The following DACH2 variants were observed in gnomAD, a reference collection of about 807,000 sequenced individuals.
DACH2 encodes dachshund homolog 2.
Under a neutral mutation model 35.8 loss-of-function variants are expected in DACH2, and 17 were observed. The ratio of observed to expected loss-of-function variants is 0.48; its 90% CI spans 0.33 to 0.71. The LOEUF is 0.71. DACH2 is among the 30% of genes least tolerant of loss of function. DACH2 has a pLI of 0.02. For synonymous variants in DACH2, 195 were observed against 177.3 expected (o/e 1.10, Z -0.79); for missense variants, 469 against 472.7 (o/e 0.99, Z 0.07).
chrX:86,362,570 T>C (rs1246853455), intron 1 of DACH2, among the ~76,000 whole-genome samples: 2 of 111,550 alleles, frequency 1.8e-5, no homozygotes, highest in African/African-American at 6.5e-5. Context: ...CACAATTAAC[T>C]TGGGGGAATT....
chrX:86,825,885 T>C (rs2042558356), intron 11 of DACH2, among the ~76,000 whole-genome samples: 1 of 111,998 alleles, frequency 8.9e-6, no homozygotes, highest in Non-Finnish European at 1.9e-5. Context: ...TTACTAACCT[T>C]GAGAAGTCAT....
At chrX:86,240,201 T>C (rs1488247363) in intron 1 of DACH2, among the ~76,000 whole-genome samples, 2 of 111,432 alleles carry the variant, frequency 1.8e-5, no homozygotes, top group African/African-American at 3.3e-5. Context: ...ATCTTTATAG[T>C]AGTTTTGAAA....
At chrX:86,792,091 G>A (rs190745312) in intron 7 of DACH2, among the ~76,000 whole-genome samples, 1 of 111,441 alleles carries the variant, frequency 9.0e-6, no homozygotes, top group African/African-American at 3.2e-5. Context: ...TAAGAGGCAG[G>A]GAGGAATGAT....
At chrX:86,209,777 A>G (rs2032402503) in intron 1 of DACH2, among the ~76,000 whole-genome samples, 1 of 111,428 alleles carries the variant, frequency 9.0e-6, no homozygotes, top group Admixed American at 9.6e-5. Context: ...TTAGGCCATT[A>G]TTTCAAAATC....
At chrX:86,733,909 T>C (rs1209441534) in intron 6 of DACH2, among the ~76,000 whole-genome samples, 1 of 108,726 alleles carries the variant, frequency 9.2e-6, no homozygotes, top group Non-Finnish European at 1.9e-5. Context: ...TTGGGTCTCA[T>C]TCTAAGTGCT....
At chrX:86,180,154 C>T (rs1313568073) in intron 1 of DACH2, among the ~76,000 whole-genome samples, 1 of 71,876 alleles carries the variant, frequency 1.4e-5, no homozygotes, top group African/African-American at 5.0e-5. Context: ...CTATTAATGT[C>T]CCCTAGCAAC....
intron 1 of DACH2, among the ~76,000 whole-genome samples, chrX:86,204,757 A>T (rs1267338272): frequency 8.9e-6 from 1 of 112,066 alleles, no homozygotes; most frequent in East Asian, 2.8e-4. Flanking sequence ...CCTTTTATCC[A>T]TGATCTGATT....
At chrX:86,602,712 T>C (rs1004501245) in intron 3 of DACH2, among the ~76,000 whole-genome samples, 1 of 112,021 alleles carries the variant, frequency 8.9e-6, no homozygotes, top group Non-Finnish European at 1.9e-5. Context: ...TGAGTTTAAC[T>C]ATTTCACATA....
At chrX:86,464,309 G>A (rs180849681) in intron 2 of DACH2, among the ~76,000 whole-genome samples, 73 of 101,882 alleles carry the variant, frequency 7.2e-4, no homozygotes, top group African/African-American at 2.4e-3. Flanking sequence ...AGAAAACATG[G>A]CACATATACA....
intron 3 of DACH2, among the ~76,000 whole-genome samples, chrX:86,578,218 T>G (rs1231843333): frequency 1.8e-5 from 2 of 111,094 alleles, no homozygotes; most frequent in Non-Finnish European, 3.8e-5. Context: ...TCAGCTGGTG[T>G]CACTGCAGAA....
intron 1 of DACH2, among the ~76,000 whole-genome samples, chrX:86,165,247 G>A (rs1344468512): frequency 9.0e-6 from 1 of 111,511 alleles, no homozygotes; most frequent in Non-Finnish European, 1.9e-5. Flanking sequence ...AACTTACGTT[G>A]CTTCCAAATC....
At chrX:86,392,319 TA>T (rs1240558275) in intron 2 of DACH2, among the ~76,000 whole-genome samples, 1 of 111,697 alleles carries the variant, frequency 9.0e-6, no homozygotes, top group East Asian at 2.8e-4. Flanking sequence ...TTCTGTTTTC[TA>T]GGAGTTTATA....
intron 3 of DACH2, among the ~76,000 whole-genome samples, chrX:86,636,000 T>C (rs2040260968): frequency 8.9e-6 from 1 of 112,120 alleles, no homozygotes; most frequent in Admixed American, 9.4e-5. Flanking sequence ...AAACTATCAA[T>C]GACATTCTTC....
At chrX:86,819,340 T>C (rs764522335) in intron 11 of DACH2, among the ~76,000 whole-genome samples, 18 of 110,616 alleles carry the variant, frequency 1.6e-4, no homozygotes, top group Non-Finnish European at 2.8e-4. Flanking sequence ...TATAACTCAG[T>C]TGAGGGCCTG....
intron 1 of DACH2, among the ~76,000 whole-genome samples, chrX:86,173,021 A>C (rs1602253190): frequency 8.9e-6 from 1 of 112,250 alleles, no homozygotes; most frequent in Middle Eastern, 4.6e-3. Context: ...TAAGTATAAA[A>C]CTGGGATCCA....
At chrX:86,194,423 G>A (rs1193684121) in intron 1 of DACH2, among the ~76,000 whole-genome samples, 2 of 111,646 alleles carry the variant, frequency 1.8e-5, no homozygotes, top group Non-Finnish European at 3.8e-5. Flanking sequence ...GAGACAACTG[G>A]CGCACTAACA....
intron 3 of DACH2, among the ~76,000 whole-genome samples, chrX:86,648,868 T>C (rs1036199187): frequency 2.7e-5 from 3 of 111,161 alleles, no homozygotes; most frequent in Non-Finnish European, 3.8e-5. Context: ...CTCTAAACTT[T>C]GAATAAAGTG....
At chrX:86,265,970 T>C (rs1333973337) in intron 1 of DACH2, among the ~76,000 whole-genome samples, 2 of 111,848 alleles carry the variant, frequency 1.8e-5, no homozygotes, top group Admixed American at 1.9e-4. Flanking sequence ...TGTGTGTATG[T>C]GTATATATGA....
At chrX:86,706,168 G>A (rs1349023441) in intron 5 of DACH2, among the ~76,000 whole-genome samples, 2 of 111,294 alleles carry the variant, frequency 1.8e-5, no homozygotes, top group African/African-American at 6.5e-5. Context: ...CAGGTGACAG[G>A]TGCACTAAAA....
Sources: gnomAD v4.1 joint callset for allele counts (sites outside exome capture counted in the v4.1 genomes callset) on GRCh38, gnomAD v4.1.1 for gene constraint, MANE v1.5 for transcripts, NCBI Gene and HGNC (gene_info 2026-07-23, HGNC 2026-07-21) for gene names.